Variants in AUTS2 observed in about 807,000 individuals in gnomAD.
AUTS2 encodes autism susceptibility gene 2 protein.
In AUTS2, 17 loss-of-function variants were observed where a neutral mutation model predicts 112.4. The observed-to-expected ratio is 0.15, with a 90% CI of 0.10 to 0.23. The LOEUF (loss-of-function observed/expected upper bound fraction) is 0.23. Ranked by LOEUF, AUTS2 falls within the 10% of genes least tolerant of loss-of-function variation. The pLI, the probability that AUTS2 is intolerant of heterozygous loss-of-function variation, is 1.00. For synonymous variants in AUTS2, 751 were observed against 702.7 expected, an observed-to-expected ratio of 1.07 and a Z score of -1.09; for missense variants, 1,510 against 1,701.6, an observed-to-expected ratio of 0.89 and a Z score of 1.98.
chr7:70,229,703 T>G (rs1164242988), intron 4 of AUTS2, among the ~76,000 whole-genome samples: 1 of 152,156 alleles, frequency 6.6e-6, no homozygotes, highest in Non-Finnish European at 1.5e-5. Context: ...ATGTGTGTGT[T>G]TGTTATATTT....
intron 4 of AUTS2, among the ~76,000 whole-genome samples, chr7:70,369,795 A>T (rs1450838342): frequency 2.0e-5 from 3 of 152,224 alleles, no homozygotes; most frequent in Non-Finnish European, 4.4e-5. Flanking sequence ...ACTTCATAAT[A>T]ATCCAGGTAT....
chr7:70,786,899 T>G, intron 17 of AUTS2: 3 of 435,518 alleles, frequency 6.9e-6, no homozygotes, highest in South Asian at 6.4e-5. Flanking sequence ...TGCCTGGAAC[T>G]TCTGCATGCA....
intron 4 of AUTS2, among the ~76,000 whole-genome samples, chr7:70,372,405 G>A (rs1180749137): frequency 6.6e-6 from 1 of 152,120 alleles, no homozygotes; most frequent in Admixed American, 6.5e-5. Flanking sequence ...AGTAATCCAG[G>A]CCTTCTCTTC....
intron 2 of AUTS2, among the ~76,000 whole-genome samples, chr7:69,910,812 G>C (rs1795323170): frequency 6.6e-6 from 1 of 152,056 alleles, no homozygotes; most frequent in Admixed American, 6.5e-5. Flanking sequence ...ATTTTTAGTA[G>C]AGGCAGGGTT....
chr7:70,260,146 A>T (rs1286608428), intron 4 of AUTS2, among the ~76,000 whole-genome samples: 1 of 152,056 alleles, frequency 6.6e-6, no homozygotes, highest in African/African-American at 2.4e-5. Context: ...CAGGCGGATC[A>T]TGAGGTCAGG....
intron 4 of AUTS2, among the ~76,000 whole-genome samples, chr7:70,431,281 T>C (rs934511242): frequency 1.2e-4 from 19 of 152,310 alleles, no homozygotes; most frequent in African/African-American, 4.6e-4. Context: ...AAAAGACGAG[T>C]GGGATTATAT....
At chr7:70,073,009 T>C (rs1802849242) in intron 2 of AUTS2, among the ~76,000 whole-genome samples, 2 of 138,130 alleles carry the variant, frequency 1.4e-5, no homozygotes, top group African/African-American at 5.7e-5. Context: ...CTTTCTTGCT[T>C]TCTCCCTCTC....
chr7:70,636,916 T>A (rs1038371747), intron 5 of AUTS2, among the ~76,000 whole-genome samples: 1 of 152,174 alleles, frequency 6.6e-6, no homozygotes, highest in African/African-American at 2.4e-5. Flanking sequence ...GTGCTGGGAT[T>A]ATAGGCGTGA....
At chr7:69,709,509 C>T (rs550539948) in intron 1 of AUTS2, among the ~76,000 whole-genome samples, 44 of 152,216 alleles carry the variant, frequency 2.9e-4, no homozygotes, top group African/African-American at 9.2e-4. Flanking sequence ...CCTGGCCATT[C>T]GCATAGTTTG....
At chr7:70,731,017 G>A (rs1377564276) in intron 6 of AUTS2, among the ~76,000 whole-genome samples, 2 of 152,174 alleles carry the variant, frequency 1.3e-5, no homozygotes, top group African/African-American at 4.8e-5. Flanking sequence ...ATCTTTTCAT[G>A]TGCTTATGGC....
Position 69,872,303 on chromosome 7 carries a change from A to C in AUTS2, c.310-26983A>C, listed in dbSNP as rs1014993822. On this transcript the variant is annotated intron_variant, in intron 1 of 18. Coordinates refer to ENST00000342771, the MANE Select transcript of AUTS2 (RefSeq NM_015570.4). ...CCTTGTTTGAAACTCAGGCTTCAAA[A>C]GTAGGAAAGGTTAGAACATCAATCC... is the stretch of plus-strand genomic sequence containing the variant. 8.5e-5 allele frequency among the ~76,000 whole-genome samples: 13 copies of C among 152,366 alleles called. No homozygotes were observed. The East Asian group carries it at 2.3e-3, about 27-fold the overall frequency.
chr7:69,863,059 AGATAC>A (rs150527767), intron 1 of AUTS2, among the ~76,000 whole-genome samples: 12,686 of 152,146 alleles, frequency 0.083, 591 homozygotes, highest in East Asian at 0.13. Context: ...AGTCTTCCAA[AGATAC>A]GAGGACTCGG....
At chr7:70,712,462 G>A (rs781115208) in intron 6 of AUTS2, among the ~76,000 whole-genome samples, 1 of 152,064 alleles carries the variant, frequency 6.6e-6, no homozygotes, top group Non-Finnish European at 1.5e-5. Context: ...AAAGGAATGG[G>A]TTAGATGAAA....
intron 1 of AUTS2, chr7:69,824,504 T>C (rs932504006): frequency 3.3e-5 from 5 of 152,026 alleles, no homozygotes; most frequent in African/African-American, 4.8e-5. Flanking sequence ...GGCAGAAGTA[T>C]AATTTATATA....
At chr7:70,079,155 C>T (rs1254619893) in intron 2 of AUTS2, among the ~76,000 whole-genome samples, 1 of 152,094 alleles carries the variant, frequency 6.6e-6, no homozygotes, top group African/African-American at 2.4e-5. Flanking sequence ...CCCTTACACA[C>T]TAGTAGGAAG....
chr7:69,657,564 A>G (rs1795601023), intron 1 of AUTS2, among the ~76,000 whole-genome samples: 1 of 152,188 alleles, frequency 6.6e-6, no homozygotes, highest in African/African-American at 2.4e-5. Flanking sequence ...CTGGCCTGGA[A>G]TGATAATTAA....
chr7:69,599,669 C>T lies in AUTS2; in HGVS notation c.16C>T (p.Arg6Trp), dbSNP rs1368494641. MDGPTRGHGLRKKRRS... is the reference protein window; with the variant it reads MDGPTWGHGLRKKRRS... ...CAGCAGAACCATGGATGGCCCGACG[C>T]GGGGCCATGGACTCCGCAAAAAGCG... Residue 6 changes from arginine (R) to tryptophan (W), a missense_variant, in exon 1 of 19, where the codon CGG becomes TGG. By Grantham distance (101) the Arg-to-Trp change is moderately radical (BLOSUM62 -3). This residue lies in a region of AUTS2 where 535 missense variants were observed against 594.3 expected (regional missense o/e 0.90). Coordinates refer to ENST00000342771, the MANE Select transcript of AUTS2 (RefSeq NM_015570.4). The surrounding 1 kb of genome is among the most constrained non-coding windows in gnomAD (Gnocchi z 7.0). 1 of 1,306,644 alleles carries T rather than the reference C, an allele frequency of 7.7e-7. No individual in the cohort carries two copies. The highest frequency in any genetic ancestry group is 9.7e-7 in the Non-Finnish European group (1 of 1,031,438). 80.9% of individuals were successfully genotyped at this position (1,306,644 alleles called of 1,614,324 possible). A position where few individuals can be genotyped will look rare whatever the true frequency, so the allele number is the denominator to read the frequency against.
intron 5 of AUTS2, among the ~76,000 whole-genome samples, chr7:70,487,559 G>C (rs533376262): frequency 1.3e-5 from 2 of 152,340 alleles, no homozygotes; most frequent in African/African-American, 4.8e-5. Flanking sequence ...ACTGCAGACA[G>C]CCTAATGGAC....
chr7:70,196,942 A>C (rs1054520258), intron 4 of AUTS2, among the ~76,000 whole-genome samples: 2 of 152,238 alleles, frequency 1.3e-5, no homozygotes, highest in Non-Finnish European at 2.9e-5. Context: ...CTTTACACTT[A>C]GTGTATGTAA....
Sources: gnomAD v4.1 joint callset for allele counts (sites outside exome capture counted in the v4.1 genomes callset) on GRCh38, gnomAD v4.1.1 for gene constraint, gnomAD v4.1.1 regional missense constraint, Gnocchi (gnomAD v3.1) non-coding constraint, MANE v1.5 for transcripts, NCBI Gene and HGNC (gene_info 2026-07-23, HGNC 2026-07-21) for gene names.